The following FSCN1 variants were observed in gnomAD, a reference collection of about 807,000 sequenced individuals.
The protein encoded by FSCN1 is fascin actin-bundling protein 1, also known as fascin.
In FSCN1, 10 loss-of-function variants were observed where a neutral mutation model predicts 39.7. The ratio of observed to expected loss-of-function variants is 0.25; its 90% CI spans 0.16 to 0.43. The LOEUF is 0.43. Among genes scored for constraint, FSCN1 ranks in the 20% least tolerant of loss-of-function variants. The pLI, the probability that FSCN1 is intolerant of heterozygous loss-of-function variation, is 1.00. For synonymous variants in FSCN1, 322 were observed against 320.0 expected, an observed-to-expected ratio of 1.01 and a Z score of -0.07; for missense variants, 525 against 723.8, an observed-to-expected ratio of 0.73 and a Z score of 3.15.
At chr7:5,595,271 CT>C (rs904755722) in intron 1 of FSCN1, among the ~76,000 whole-genome samples, 35 of 152,288 alleles carry the variant, frequency 2.3e-4, no homozygotes, top group African/African-American at 7.7e-4. Flanking sequence ...CTGAAGTTTG[CT>C]ACCTTAAGTC....
intron 4 of FSCN1, among the ~76,000 whole-genome samples, chr7:5,604,834 A>G (rs1379171050): frequency 2.0e-5 from 3 of 151,832 alleles, no homozygotes; most frequent in Non-Finnish European, 2.9e-5. Flanking sequence ...GACGGGTTTC[A>G]CCATGTTGTC....
Position 5,599,254 on chromosome 7 carries a change from G to C in FSCN1, c.833-4003G>C, listed in dbSNP as rs1785784847. 6.6e-6 allele frequency among the ~76,000 whole-genome samples: 1 copy of C among 152,140 alleles called. No homozygotes were observed. The highest frequency in any genetic ancestry group is 1.5e-5 in the Non-Finnish European group (1 of 67,996). ...TGGGCTACCGGCTTAAGGGGCCCCA[G>C]GGAACCTGGGGGGTGGAGCCCAAGG... On this transcript the variant is annotated intron_variant, in intron 1 of 4. Transcript: ENST00000382361. The surrounding 1 kb of genome is among the most constrained non-coding windows in gnomAD (Gnocchi z 5.6).
chr7:5,593,877 GAGCAC>G, intron 1 of FSCN1, 109 bp downstream of exon 1: 1 of 782,292 alleles, frequency 1.3e-6, no homozygotes, highest in Non-Finnish European at 2.0e-6. Flanking sequence ...CTGCGGTCCG[GAGCAC>G]TGCCCATTGC....
chr7:5,603,624 C>A lies in FSCN1; in HGVS notation c.1111+7C>A, dbSNP rs767767264. The A allele has an allele frequency of 6.2e-7, 1 of 1,613,992 alleles. No homozygotes were observed. Among genetic ancestry groups the A allele is most frequent in the Non-Finnish European group, 8.5e-7 (1 of 1,180,006 alleles). On this transcript the variant is annotated splice_region_variant and intron_variant, in intron 3 of 4. Transcript: ENST00000382361. This position sits in a 1 kb window ranked among gnomAD's most constrained non-coding sequence, Gnocchi z 8.5. ...GCCTCGGTGGAGACAGCAGGTAACA[C>A]TAAAGCCCCAGTTCCCTGGAGCCGT...
chr7:5,603,638 CCCTGGAGCCGT>C lies in FSCN1; in HGVS notation c.1111+29_1111+39del. On this transcript the variant is annotated intron_variant, in intron 3 of 4. Coordinates refer to ENST00000382361, the MANE Select transcript of FSCN1 (RefSeq NM_003088.4). The surrounding 1 kb of genome is among the most constrained non-coding windows in gnomAD (Gnocchi z 8.5). ...AGCAGGTAACACTAAAGCCCCAGTT[CCCTGGAGCCGT>C]CCTGGAGTCCTGGAGGGTCTGGCCA... 1.2e-6 allele frequency: 2 copies of C among 1,613,812 alleles called. No individual in the cohort carries two copies. The highest frequency in any genetic ancestry group is 1.7e-6 in the Non-Finnish European group (2 of 1,179,952).
rs1214850545 is a variant in FSCN1 at position 5,603,057 on chromosome 7, T to A, written c.833-200T>A. The A allele has an allele frequency of 1.6e-6, 1 of 608,112 alleles. No individual in the cohort carries two copies. The highest frequency in any genetic ancestry group is 2.8e-5 in the East Asian group (1 of 36,294). 37.7% of individuals were successfully genotyped at this position (608,112 alleles called of 1,614,324 possible). ...AAAGTCATGTGGGAACAGATGTAGC[T>A]TGCCTTGGCCTCTGACCGGCCCTGC... On this transcript the variant is annotated intron_variant, in intron 1 of 4. Transcript: ENST00000382361. The surrounding 1 kb of genome is among the most constrained non-coding windows in gnomAD (Gnocchi z 8.5).
At position 5,597,404 on chromosome 7, in the gene FSCN1, G is replaced by C. The variant is rs190669127; in HGVS notation, c.832+3636G>C. Among the ~76,000 whole-genome samples the C allele has an allele frequency of 2.5e-4, 38 of 151,354 alleles. 1 individual carries two copies. Among genetic ancestry groups the C allele is most frequent in the Non-Finnish European group, 4.6e-4 (31 of 67,906 alleles). The stretch of plus-strand genomic sequence containing the variant: ...TTTTTGGCCTGGTGCGGTGGCTCAC[G>C]CCTGTAATGCCAGCACTTTGGGAGT... On this transcript the variant is annotated intron_variant, in intron 1 of 4. Coordinates refer to ENST00000382361, the MANE Select transcript of FSCN1 (RefSeq NM_003088.4).
chr7:5,598,163 C>T (rs867090241), intron 1 of FSCN1, among the ~76,000 whole-genome samples: 1 of 152,166 alleles, frequency 6.6e-6, no homozygotes, highest in Non-Finnish European at 1.5e-5. Flanking sequence ...AGAGGCTGGG[C>T]CCTTTTGACA....
intron 1 of FSCN1, among the ~76,000 whole-genome samples, chr7:5,595,613 G>C (rs1471060993): frequency 2.6e-5 from 4 of 152,220 alleles, no homozygotes; most frequent in East Asian, 1.9e-4. Flanking sequence ...AGGTATGGGG[G>C]GGGTGCTGTG....
At chr7:5,597,492 C>T (rs1467706925) in intron 1 of FSCN1, among the ~76,000 whole-genome samples, 2 of 152,022 alleles carry the variant, frequency 1.3e-5, no homozygotes. Context: ...CATGGAGAAA[C>T]CCCATCTCTA....
chr7:5,593,533 C>T lies in FSCN1; in HGVS notation c.597C>T (p.Asp199=). 6.3e-7 allele frequency: 1 copy of T among 1,599,216 alleles called. No homozygotes were observed. The highest frequency in any genetic ancestry group is 8.5e-7 in the Non-Finnish European group (1 of 1,176,546). Residue 199 remains aspartate, a synonymous_variant, in exon 1 of 5, where the codon GAC becomes GAT. Coordinates refer to ENST00000382361, the MANE Select transcript of FSCN1 (RefSeq NM_003088.4). ...CCGACCACCGCTTCCTGCGCCACGA[C>T]GGGCGCCTGGTGGCGCGCCCCGAGC... is the stretch of plus-strand genomic sequence containing the variant. ...QTADHRFLRH[D]GRLVARPEPA...
At chr7:5,598,221 G>T (rs1785765342) in intron 1 of FSCN1, among the ~76,000 whole-genome samples, 1 of 152,256 alleles carries the variant, frequency 6.6e-6, no homozygotes, top group Admixed American at 6.5e-5. Flanking sequence ...ATCCAAGGGT[G>T]CCTGGCCCCC....
intron 1 of FSCN1, 59 bp downstream of exon 1, chr7:5,593,827 C>A: frequency 1.7e-6 from 2 of 1,172,648 alleles, no homozygotes; most frequent in Non-Finnish European, 2.4e-6. Flanking sequence ...ACCCCACCCG[C>A]GCCCCTCCAG....
chr7:5,594,092 T>G, intron 1 of FSCN1: 4 of 240,992 alleles, frequency 1.7e-5, no homozygotes, highest in Non-Finnish European at 2.1e-5. Context: ...CGCTGATCCC[T>G]CGGATCAGCT....
intron 1 of FSCN1, among the ~76,000 whole-genome samples, chr7:5,597,864 C>T (rs1210699577): frequency 2.6e-5 from 4 of 152,046 alleles, no homozygotes; most frequent in Non-Finnish European, 4.4e-5. Context: ...CCCGTGGGCC[C>T]GGCACAGGAG....
At position 5,594,052 on chromosome 7, in the gene FSCN1, C is replaced by A. The variant is rs565159918; in HGVS notation, c.832+284C>A. 8.9e-5 allele frequency: 37 copies of A among 414,016 alleles called. 2 individuals carry two copies. The highest frequency in any genetic ancestry group is 1.5e-4 in the Non-Finnish European group (36 of 233,150). 25.6% of individuals were successfully genotyped at this position (414,016 alleles called of 1,614,324 possible). Reference sequence around the variant, plus strand: ...CGTACGTGCACCCTCCTAACCCCCCCCCCCGCCCAATCTTGGCTCTCCCCA... The same window carrying A: ...CGTACGTGCACCCTCCTAACCCCCCACCCCGCCCAATCTTGGCTCTCCCCA... On this transcript the variant is annotated intron_variant, in intron 1 of 4. Coordinates refer to ENST00000382361, the MANE Select transcript of FSCN1 (RefSeq NM_003088.4).
intron 4 of FSCN1, among the ~76,000 whole-genome samples, chr7:5,604,403 T>C (rs1370540160): frequency 6.6e-6 from 1 of 151,962 alleles, no homozygotes; most frequent in East Asian, 1.9e-4. Context: ...GCGCCTCGGT[T>C]ATGGGACTGG....
rs539947349 is a variant in FSCN1, at chr7:5,601,624, G to C, written c.833-1633G>C. Reference sequence around the variant, plus strand: ...AGGCTGAGTTAGGAGGATCATGTGAGGCCGGGAGTTCAAGACCATCCTAGG... The same window carrying C: ...AGGCTGAGTTAGGAGGATCATGTGACGCCGGGAGTTCAAGACCATCCTAGG... On this transcript the variant is annotated intron_variant, in intron 1 of 4. Transcript: ENST00000382361. 2.8e-4 allele frequency among the ~76,000 whole-genome samples: 43 copies of C among 152,320 alleles called. No homozygotes were observed. The South Asian group carries it at 8.3e-3, about 29-fold the overall frequency.
intron 1 of FSCN1, among the ~76,000 whole-genome samples, chr7:5,600,778 C>T (rs565798303): frequency 1.8e-4 from 27 of 152,038 alleles, no homozygotes; most frequent in Non-Finnish European, 3.2e-4. Context: ...CTCAGCCTCC[C>T]GAGTAGCAGG....
Sources: allele counts gnomAD v4.1 joint callset (sites outside exome capture counted in the v4.1 genomes callset), GRCh38; gene constraint gnomAD v4.1.1; non-coding constraint Gnocchi (gnomAD v3.1); transcripts MANE v1.5; gene names NCBI Gene and HGNC (gene_info 2026-07-23, HGNC 2026-07-21).